Variants in ATRIP observed in about 807,000 individuals in gnomAD.
ATRIP encodes ATR-interacting protein.
Under a neutral mutation model 78.1 loss-of-function variants are expected in ATRIP, and 44 were observed. That is an observed-to-expected ratio of 0.56 (90% CI 0.44 to 0.72). The LOEUF (loss-of-function observed/expected upper bound fraction) is 0.72, where lower values mean the gene tolerates loss of function less well. Ranked by LOEUF, ATRIP falls within the 30% of genes least tolerant of loss-of-function variation. The pLI, the probability that ATRIP is intolerant of heterozygous loss-of-function variation, is 0.00. For missense variants in ATRIP, 927 were observed against 980.2 expected (o/e 0.95, Z 0.72); for synonymous variants, 388 against 408.9 (o/e 0.95, Z 0.62).
chr3:48,449,573 C>G (rs188687260), intron 1 of ATRIP, among the ~76,000 whole-genome samples: 2 of 151,312 alleles, frequency 1.3e-5, no homozygotes, highest in East Asian at 3.9e-4. Context: ...TTGCTTAAGC[C>G]CAGGAGTTCA....
At chr3:48,453,382 G>A (rs2039880259) in intron 3 of ATRIP, among the ~76,000 whole-genome samples, 1 of 152,162 alleles carries the variant, frequency 6.6e-6, no homozygotes, top group South Asian at 2.1e-4. Flanking sequence ...TTAACTTTCT[G>A]TATAAGTGAT....
chr3:48,460,231 G>A lies in ATRIP; in HGVS notation c.1177G>A (p.Glu393Lys), dbSNP rs773758408. 7 of 1,614,166 alleles carry A rather than the reference G, an allele frequency of 4.3e-6. No individual in the cohort carries two copies. In the East Asian group the frequency reaches 1.1e-4, roughly 26 times the overall value. ...TGGACTGAATCTGGTTGCCCGGAATGAGTGCTCACGTGATGGAGACCCAGC... is the reference window on the plus strand; with the variant it reads ...TGGACTGAATCTGGTTGCCCGGAATAAGTGCTCACGTGATGGAGACCCAGC... The part of the protein sequence containing the change: ...FTGLNLVARN[E>K]CSRDGDPAEG... Residue 393 changes from glutamate (E) to lysine (K), a missense_variant, in exon 8 of 13, where the codon GAG (glutamate) becomes AAG (lysine). By Grantham distance (56) the Glu-to-Lys change is moderately conservative. Transcript: ENST00000320211.
chr3:48,467,408 T>A lies in ATRIP; in HGVS notation c.*1854T>A. On this transcript the variant is annotated 3_prime_UTR_variant, in exon 13 of 13. Transcript: ENST00000320211. ...CAAGACCATCTGCTGTCACAACCAC[T>A]GCACACCTGGCCACAACCAGGAACA... 1 of 1,614,134 alleles carries A rather than the reference T, an allele frequency of 6.2e-7. No homozygotes were observed. The highest frequency in any genetic ancestry group is 8.5e-7 in the Non-Finnish European group (1 of 1,180,012).
At position 48,447,055 on chromosome 3, in the gene ATRIP, C is replaced by T. The variant is rs1473017489; in HGVS notation, c.210C>T (p.Ala70=). 1.3e-6 allele frequency: 2 copies of T among 1,572,480 alleles called. No homozygotes were observed. The highest frequency in any genetic ancestry group is 1.7e-6 in the Non-Finnish European group (2 of 1,162,554). The part of the protein sequence containing the change: ...LEELDTLASQ[A]LSQCPAAARD... ...AGCTTGACACCCTCGCGTCACAGGCCCTGAGCCAATGTCCGGCCGCGGCTC... is the reference window on the plus strand; with the variant it reads ...AGCTTGACACCCTCGCGTCACAGGCTCTGAGCCAATGTCCGGCCGCGGCTC... The change falls in exon 1 of 13, where the codon GCC becomes GCT. Residue 70 remains alanine (A), a synonymous_variant. Transcript: ENST00000320211.
In ATRIP at chr3:48,459,774, T is replaced by C; in HGVS notation, c.926-13T>C. 1 of 1,608,752 alleles carries C rather than the reference T, an allele frequency of 6.2e-7. No homozygotes were observed. Among genetic ancestry groups the C allele is most frequent in the Non-Finnish European group, 8.5e-7 (1 of 1,178,660 alleles). On this transcript the variant is annotated splice_polypyrimidine_tract_variant and intron_variant, in intron 6 of 12. Coordinates refer to ENST00000320211, the MANE Select transcript of ATRIP (RefSeq NM_130384.3). ...CATGTCAGAACCTTCTAGAGTCATCTTGTCTTCTGCAGGTTCCATTTTGAT... is the reference window on the plus strand; with the variant it reads ...CATGTCAGAACCTTCTAGAGTCATCCTGTCTTCTGCAGGTTCCATTTTGAT...
chr3:48,466,454 G>A lies in ATRIP; in HGVS notation c.*900G>A, dbSNP rs769025334. The A allele has an allele frequency of 4.3e-6, 7 of 1,613,442 alleles. No homozygotes were observed. Among genetic ancestry groups the A allele is most frequent in the Non-Finnish European group, 5.9e-6 (7 of 1,180,002 alleles). On this transcript the variant is annotated 3_prime_UTR_variant, in exon 13 of 13. Coordinates refer to ENST00000320211, the MANE Select transcript of ATRIP (RefSeq NM_130384.3). ...CAGTCGAATGTGCTGGTCCCACTAA[G>A]GAAACCACCTCACCCTCTCCAACTT...
chr3:48,462,253 C>T (rs2040138414), intron 8 of ATRIP, among the ~76,000 whole-genome samples: 1 of 151,524 alleles, frequency 6.6e-6, no homozygotes, highest in South Asian at 2.1e-4. Flanking sequence ...GAGTGAGACC[C>T]TATCTCAAAG....
chr3:48,462,088 G>A (rs1160904018), intron 8 of ATRIP, among the ~76,000 whole-genome samples: 1 of 152,086 alleles, frequency 6.6e-6, no homozygotes, highest in African/African-American at 2.4e-5. Flanking sequence ...AGCACTTTGG[G>A]AGGCCAAGGT....
chr3:48,451,351 C>G (rs2039831194), intron 2 of ATRIP, among the ~76,000 whole-genome samples: 1 of 152,128 alleles, frequency 6.6e-6, no homozygotes, highest in Non-Finnish European at 1.5e-5. Context: ...ATTGGCCAGG[C>G]TAGTGGCACA....
At position 48,460,674 on chromosome 3, in the gene ATRIP, G is replaced by A; in HGVS notation, c.1620G>A (p.Lys540=). 11 of 1,614,170 alleles carry A rather than the reference G, an allele frequency of 6.8e-6. No individual in the cohort carries two copies. Among genetic ancestry groups the A allele is most frequent in the South Asian group, 1.1e-5 (1 of 91,086 alleles). The change falls in exon 8 of 13, where the codon AAG becomes AAA. Residue 540 remains lysine (K), a synonymous_variant. Transcript: ENST00000320211. ...ADDQGQHPLL[K]MLLHLLAFSS... The stretch of plus-strand genomic sequence containing the variant: ...ACCAAGGACAGCACCCACTGTTGAA[G>A]ATGCTTCTTCACCTGTTGGCTTTCT...
intron 8 of ATRIP, among the ~76,000 whole-genome samples, chr3:48,462,341 C>A (rs1002691999): frequency 6.6e-6 from 1 of 151,960 alleles, no homozygotes; most frequent in Non-Finnish European, 1.5e-5. Flanking sequence ...CAGGGACATT[C>A]AAAACACAGC....
At position 48,465,626 on chromosome 3, in the gene ATRIP, G is replaced by T. The variant is rs1360568063; in HGVS notation, c.*72G>T. ...CTTACCACATCAACTGATTAAAGCA[G>T]TGACCAGCAGGAACTGCCCAGAGAA... On this transcript the variant is annotated 3_prime_UTR_variant, in exon 13 of 13. Coordinates refer to ENST00000320211, the MANE Select transcript of ATRIP (RefSeq NM_130384.3). 6.8e-7 allele frequency: 1 copy of T among 1,459,938 alleles called. No homozygotes were observed. Among genetic ancestry groups the T allele is most frequent in the African/African-American group, 1.4e-5 (1 of 71,666 alleles). The allele number at this position is 1,459,938 out of a possible 1,614,324, so 90.4% of individuals were successfully genotyped here. A position where few individuals can be genotyped will look rare whatever the true frequency, so the allele number is the denominator to read the frequency against.
intron 11 of ATRIP, 37 bp downstream of exon 11, chr3:48,464,699 G>A (rs2040220154): frequency 6.2e-7 from 1 of 1,613,760 alleles, no homozygotes; most frequent in Non-Finnish European, 8.5e-7. Flanking sequence ...CAGCTCTGGT[G>A]GTAAGGGGGC....
chr3:48,454,885 CAG>C (rs1167366018), intron 4 of ATRIP, among the ~76,000 whole-genome samples: 3 of 143,194 alleles, frequency 2.1e-5, no homozygotes, highest in African/African-American at 7.6e-5. Context: ...TTTTTTGAGA[CAG>C]AGTCTCGCTC....
intron 5 of ATRIP, among the ~76,000 whole-genome samples, chr3:48,459,035 A>G (rs1575281905): frequency 6.6e-6 from 1 of 152,230 alleles, no homozygotes; most frequent in Non-Finnish European, 1.5e-5. Context: ...TCACTGAGGA[A>G]CAAATGGGCT....
intron 3 of ATRIP, among the ~76,000 whole-genome samples, chr3:48,453,810 T>C (rs984357217): frequency 1.3e-5 from 2 of 152,224 alleles, no homozygotes; most frequent in Non-Finnish European, 2.9e-5. Context: ...TATTTTACAC[T>C]CATCATTCTA....
chr3:48,454,485 C>A, intron 4 of ATRIP, 67 bp downstream of exon 4: 1 of 1,247,134 alleles, frequency 8.0e-7, no homozygotes. Context: ...ATAACAGTGT[C>A]AGGCTGGTCC....
Position 48,464,117 on chromosome 3 carries a change from C to T in ATRIP, c.1959C>T (p.Leu653=), listed in dbSNP as rs1361731764. 7.4e-6 allele frequency: 12 copies of T among 1,613,564 alleles called. No homozygotes were observed. Among genetic ancestry groups the T allele is most frequent in the Non-Finnish European group, 9.3e-6 (11 of 1,179,754 alleles). The change falls in exon 10 of 13, where the codon CTC becomes CTT. Residue 653 remains leucine, a synonymous_variant. Coordinates refer to ENST00000320211, the MANE Select transcript of ATRIP (RefSeq NM_130384.3). ...GAGTGGCCTTGGAGACACAATGGCT[C>T]CAGCTGGAACAAGAGGTAAAAACTC... ...PDRVALETQW[L]QLEQEVVWLL...
At position 48,454,380 on chromosome 3, in the gene ATRIP, A is replaced by T. The variant is rs1560103667; in HGVS notation, c.633A>T (p.Arg211=). ...ELRTKLQTSE[R]ANKLAAPSVS... ...GGACAAAGCTCCAGACCAGTGAACGAGCAAATAAACTGGCTGCTCCCTCTG... is the reference window on the plus strand; with the variant it reads ...GGACAAAGCTCCAGACCAGTGAACGTGCAAATAAACTGGCTGCTCCCTCTG... The change falls in exon 4 of 13, where the codon CGA becomes CGT. Residue 211 remains arginine (R), a synonymous_variant. Transcript: ENST00000320211. The T allele has an allele frequency of 6.2e-7, 1 of 1,613,754 alleles. No individual in the cohort carries two copies.
Sources: allele counts gnomAD v4.1 joint callset (sites outside exome capture counted in the v4.1 genomes callset), GRCh38; gene constraint gnomAD v4.1.1; transcripts MANE v1.5; gene names NCBI Gene and HGNC (gene_info 2026-07-23, HGNC 2026-07-21).